Variants in SUMF1 observed in about 807,000 individuals in gnomAD.
The protein encoded by SUMF1 is formylglycine-generating enzyme.
Under a neutral mutation model 47.6 loss-of-function variants are expected in SUMF1, and 48 were observed. That is an observed-to-expected ratio of 1.01 (90% CI 0.80 to 1.28). The LOEUF is 1.28. SUMF1 is among the 50% of genes most tolerant of loss of function. The pLI, the probability that SUMF1 is intolerant of heterozygous loss-of-function variation, is 0.00. For synonymous variants in SUMF1, 230 were observed against 192.1 expected, an observed-to-expected ratio of 1.20 and a Z score of -1.63; for missense variants, 571 against 485.4, an observed-to-expected ratio of 1.18 and a Z score of -1.66.
intron 6 of SUMF1, among the ~76,000 whole-genome samples, chr3:4,411,634 T>C (rs1164191107): frequency 6.6e-6 from 1 of 150,820 alleles, no homozygotes; most frequent in Non-Finnish European, 1.5e-5. Flanking sequence ...GGTCAGACAG[T>C]CTGCCACATA....
chr3:4,211,927 C>T (rs1695807410), intron 8 of SUMF1, among the ~76,000 whole-genome samples: 1 of 152,172 alleles, frequency 6.6e-6, no homozygotes, highest in African/African-American at 2.4e-5. Context: ...GCAGCAACCC[C>T]AGTCAGGGAC....
chr3:4,281,948 A>G (rs1446396748), intron 8 of SUMF1, among the ~76,000 whole-genome samples: 1 of 152,200 alleles, frequency 6.6e-6, no homozygotes, highest in Non-Finnish European at 1.5e-5. Flanking sequence ...AAATTCAGTA[A>G]AATAGCAAAG....
At chr3:4,404,791 A>G (rs1701324138) in intron 7 of SUMF1, among the ~76,000 whole-genome samples, 1 of 152,086 alleles carries the variant, frequency 6.6e-6, no homozygotes, top group East Asian at 1.9e-4. Context: ...ACAAAACAAA[A>G]AACACATGAG....
chr3:4,409,413 T>A (rs1417808222), intron 7 of SUMF1, among the ~76,000 whole-genome samples: 1 of 152,074 alleles, frequency 6.6e-6, no homozygotes, highest in African/African-American at 2.4e-5. Context: ...AAATGTGAAT[T>A]TTTCTGTAAA....
intron 7 of SUMF1, among the ~76,000 whole-genome samples, chr3:4,386,753 T>G (rs1251367091): frequency 6.6e-6 from 1 of 152,078 alleles, no homozygotes; most frequent in East Asian, 1.9e-4. Flanking sequence ...TTGTAGATGC[T>G]CTTTACTAAG....
intron 3 of SUMF1, among the ~76,000 whole-genome samples, chr3:4,442,463 T>G (rs370772779): frequency 5.3e-5 from 8 of 150,960 alleles, no homozygotes; most frequent in African/African-American, 1.7e-4. Context: ...GTTTCACCGT[T>G]TTAGCCGGGA....
rs141384754 is a variant in SUMF1 at position 4,418,227 on chromosome 3, A to G, written c.603-95T>C. The G allele has an allele frequency of 4.7e-4, 725 of 1,548,176 alleles. 3 individuals are homozygous for G. The African/African-American group carries it at 8.9e-3, about 19-fold the overall frequency. ...AAGCGCCCATAATCCCCCTCAGTTCAATCTGTGACACTGAGGTCATCCTGG... is the reference window on the plus strand; with the variant it reads ...AAGCGCCCATAATCCCCCTCAGTTCGATCTGTGACACTGAGGTCATCCTGG... On this transcript the variant is annotated intron_variant, in intron 4 of 8. Coordinates refer to ENST00000272902, the MANE Select transcript of SUMF1 (RefSeq NM_182760.4).
At chr3:4,462,923 T>C (rs953045936) in intron 1 of SUMF1, among the ~76,000 whole-genome samples, 5 of 152,214 alleles carry the variant, frequency 3.3e-5, no homozygotes, top group African/African-American at 9.6e-5. Flanking sequence ...TAAGCCTCAG[T>C]TGCCTCATCT....
intron 8 of SUMF1, among the ~76,000 whole-genome samples, chr3:4,363,933 AG>A (rs1324906058): frequency 1.4e-5 from 2 of 145,636 alleles, no homozygotes; most frequent in African/African-American, 2.6e-5. Context: ...TTTAGCATGA[AG>A]GGTTGTTGAA....
intron 8 of SUMF1, among the ~76,000 whole-genome samples, chr3:4,242,465 G>C (rs1002256960): frequency 7.9e-5 from 12 of 152,132 alleles, no homozygotes; most frequent in African/African-American, 2.9e-4. Context: ...CTAGTTTATT[G>C]AGAATTTTTA....
At chr3:4,441,539 G>C (rs1277554768) in intron 3 of SUMF1, among the ~76,000 whole-genome samples, 1 of 152,040 alleles carries the variant, frequency 6.6e-6, no homozygotes, top group Non-Finnish European at 1.5e-5. Flanking sequence ...AAAAGGTTGG[G>C]GACTGCTGAT....
intron 8 of SUMF1, among the ~76,000 whole-genome samples, chr3:4,364,734 C>T (rs1172439420): frequency 3.3e-5 from 5 of 151,310 alleles, no homozygotes; most frequent in Non-Finnish European, 7.4e-5. Flanking sequence ...TTCAGTTCTG[C>T]TCTGATTTTA....
intron 8 of SUMF1, among the ~76,000 whole-genome samples, chr3:4,366,122 C>T (rs1161144046): frequency 4.0e-5 from 6 of 151,856 alleles, no homozygotes; most frequent in East Asian, 3.9e-4. Context: ...GTGGGTAACC[C>T]GACCTTTCTC....
At chr3:4,367,517 C>T (rs1575139768) in intron 8 of SUMF1, among the ~76,000 whole-genome samples, 2 of 151,596 alleles carry the variant, frequency 1.3e-5, no homozygotes, top group Admixed American at 6.6e-5. Context: ...AAAAAGAGCC[C>T]GCATCACCAA....
intron 8 of SUMF1, among the ~76,000 whole-genome samples, chr3:4,373,365 A>G (rs1009413068): frequency 6.6e-6 from 1 of 152,170 alleles, no homozygotes; most frequent in Non-Finnish European, 1.5e-5. Context: ...GAAATGGACA[A>G]ATTCCTTAAA....
intron 8 of SUMF1, among the ~76,000 whole-genome samples, chr3:4,163,232 G>C (rs1694619899): frequency 6.6e-6 from 1 of 151,258 alleles, no homozygotes. Flanking sequence ...GAAGAGAAGA[G>C]AAACAAAAAC....
chr3:4,425,200 G>A (rs765019155), intron 3 of SUMF1, among the ~76,000 whole-genome samples: 4 of 152,122 alleles, frequency 2.6e-5, no homozygotes, highest in Admixed American at 6.6e-5. Flanking sequence ...GCCTAAGCTT[G>A]AACAACAGTA....
In SUMF1 at chr3:4,080,316, C is replaced by T. The variant is rs570062906; in HGVS notation, c.1015-11571G>A. The stretch of plus-strand genomic sequence containing the variant: ...AGTATGCCTCAGAGGGTCTAATGGG[C>T]TATGACCCACAATGGTCATATCAGC... On this transcript the variant is annotated intron_variant and NMD_transcript_variant, in intron 8 of 12. Coordinates refer to the SUMF1 transcript ENST00000448413. Among the ~76,000 whole-genome samples the T allele has an allele frequency of 9.5e-4, 145 of 152,262 alleles. 1 individual carries two copies. Among genetic ancestry groups the T allele is most frequent in the African/African-American group, 3.3e-3 (138 of 41,520 alleles).
chr3:4,163,385 AGGGAGGGAGGG>A (rs1694625921), intron 8 of SUMF1, among the ~76,000 whole-genome samples: 19 of 30,112 alleles, frequency 6.3e-4, no homozygotes, highest in South Asian at 4.8e-3. Context: ...GAAGGAAGGG[AGGGAGGGAGGG>A]AGGGAGGGAG....
Sources: allele counts gnomAD v4.1 joint callset (sites outside exome capture counted in the v4.1 genomes callset), GRCh38; gene constraint gnomAD v4.1.1; transcripts MANE v1.5; gene names NCBI Gene and HGNC (gene_info 2026-07-23, HGNC 2026-07-21).